EYA2: variants seen among roughly 807,000 people sequenced by gnomAD.
EYA2 encodes the protein EYA transcriptional coactivator and phosphatase 2.
Under a neutral mutation model 69.2 loss-of-function variants are expected in EYA2, and 31 were observed. The observed-to-expected ratio is 0.45, with a 90% CI of 0.34 to 0.60. The LOEUF (loss-of-function observed/expected upper bound fraction) is 0.60, where lower values mean the gene tolerates loss of function less well. EYA2 is among the 20% of genes least tolerant of loss of function. EYA2 has a pLI of 0.02. For synonymous variants in EYA2, 257 were observed against 279.4 expected, an observed-to-expected ratio of 0.92 and a Z score of 0.80; for missense variants, 622 against 701.2, an observed-to-expected ratio of 0.89 and a Z score of 1.28.
chr20:47,052,618 CTTTT>C (rs965676504), intron 5 of EYA2, among the ~76,000 whole-genome samples: 3 of 152,112 alleles, frequency 2.0e-5, no homozygotes, highest in Non-Finnish European at 2.9e-5. Context: ...CTGCTTCTTT[CTTTT>C]TATCTTTTTT....
Position 47,183,289 on chromosome 20 carries a change from A to G in EYA2, c.1436-2A>G. ...TTTTCTTTCCTTCCTGTGTGCGTGC[A>G]GGGAAGGAGAGCTGCTTCGAGAGGA... On this transcript the variant is annotated splice_acceptor_variant, in intron 14 of 15. Coordinates refer to ENST00000327619, the MANE Select transcript of EYA2 (RefSeq NM_005244.5). LOFTEE classifies it high-confidence loss of function. The G allele has an allele frequency of 6.2e-7, 1 of 1,613,756 alleles. No individual in the cohort carries two copies. The highest frequency in any genetic ancestry group is 8.5e-7 in the Non-Finnish European group (1 of 1,179,830).
intron 1 of EYA2, among the ~76,000 whole-genome samples, chr20:46,899,549 A>G (rs982648465): frequency 6.6e-6 from 1 of 152,196 alleles, no homozygotes; most frequent in Non-Finnish European, 1.5e-5. Context: ...GCCCTAAAAC[A>G]TTACGGTAGG....
intron 10 of EYA2, among the ~76,000 whole-genome samples, chr20:47,150,272 A>G (rs1236405942): frequency 2.0e-5 from 3 of 152,126 alleles, no homozygotes; most frequent in Non-Finnish European, 2.9e-5. Context: ...AGTCACCATC[A>G]TCTTTCTCTT....
intron 9 of EYA2, among the ~76,000 whole-genome samples, chr20:47,135,636 G>A (rs1388080583): frequency 6.6e-6 from 1 of 151,594 alleles, no homozygotes; most frequent in Non-Finnish European, 1.5e-5. Flanking sequence ...TAATTAGTAT[G>A]TAAATCTCAC....
intron 4 of EYA2, among the ~76,000 whole-genome samples, chr20:47,011,820 T>A (rs6094553): frequency 0.55 from 84,137 of 151,932 alleles, 23,620 homozygotes; most frequent in Non-Finnish European, 0.61. Context: ...TTTTAGCACC[T>A]TAAGACTCTA....
chr20:46,974,046 C>T (rs1311733808), intron 1 of EYA2, among the ~76,000 whole-genome samples: 1 of 152,086 alleles, frequency 6.6e-6, no homozygotes, highest in Non-Finnish European at 1.5e-5. Flanking sequence ...TGCTACTTAC[C>T]GTTGATTTTA....
chr20:46,980,581 C>A (rs2146312357), intron 1 of EYA2, among the ~76,000 whole-genome samples: 1 of 152,130 alleles, frequency 6.6e-6, no homozygotes, highest in South Asian at 2.1e-4. Context: ...GGATTTCATC[C>A]CCTTAGATAT....
At chr20:47,170,241 C>T (rs75877304) in intron 11 of EYA2, among the ~76,000 whole-genome samples, 2,806 of 151,940 alleles carry the variant, frequency 0.018, 119 homozygotes, top group East Asian at 0.18. Flanking sequence ...ACAATTGATA[C>T]AGCCAATACT....
intron 10 of EYA2, among the ~76,000 whole-genome samples, chr20:47,163,476 G>C (rs1054565749): frequency 3.9e-5 from 6 of 152,012 alleles, no homozygotes; most frequent in African/African-American, 1.4e-4. Flanking sequence ...AGGCAGGGGG[G>C]TCATCTGAGG....
chr20:47,048,084 G>T (rs1434475344), intron 5 of EYA2, among the ~76,000 whole-genome samples: 1 of 152,210 alleles, frequency 6.6e-6, no homozygotes, highest in African/African-American at 2.4e-5. Flanking sequence ...AGTCCCTTTT[G>T]CTGTATAAAC....
intron 7 of EYA2, among the ~76,000 whole-genome samples, chr20:47,088,700 A>G (rs1419874365): frequency 6.6e-6 from 1 of 151,950 alleles, no homozygotes; most frequent in Non-Finnish European, 1.5e-5. Flanking sequence ...CGACCCTCCT[A>G]CTCTGCCTCC....
At chr20:46,985,598 A>G (rs529528025) in intron 1 of EYA2, among the ~76,000 whole-genome samples, 65 of 152,310 alleles carry the variant, frequency 4.3e-4, no homozygotes, top group African/African-American at 1.6e-3. Flanking sequence ...TCTCAAATGC[A>G]AATGCCTATA....
chr20:47,061,367 A>C (rs1339790677), intron 5 of EYA2, among the ~76,000 whole-genome samples: 5 of 152,050 alleles, frequency 3.3e-5, no homozygotes, highest in South Asian at 4.2e-4. Context: ...CCTCTACAGA[A>C]AATACAAGAA....
chr20:46,980,641 A>G (rs1402022472), intron 1 of EYA2, among the ~76,000 whole-genome samples: 2 of 152,170 alleles, frequency 1.3e-5, no homozygotes, highest in Non-Finnish European at 2.9e-5. Context: ...TACTCTGGCT[A>G]TTTTGAATGT....
intron 9 of EYA2, among the ~76,000 whole-genome samples, chr20:47,141,663 G>C (rs1379230221): frequency 1.3e-5 from 2 of 152,224 alleles, no homozygotes; most frequent in Admixed American, 6.5e-5. Flanking sequence ...AACAGAATAT[G>C]TGTGGGCATT....
chr20:46,903,980 C>T (rs1984237823), intron 1 of EYA2, among the ~76,000 whole-genome samples: 1 of 152,192 alleles, frequency 6.6e-6, no homozygotes, highest in Non-Finnish European at 1.5e-5. Context: ...GGGAACAGTG[C>T]ACTGGATCAG....
At chr20:47,145,989 A>C (rs2033692730) in intron 10 of EYA2, among the ~76,000 whole-genome samples, 1 of 151,786 alleles carries the variant, frequency 6.6e-6, no homozygotes, top group Non-Finnish European at 1.5e-5. Flanking sequence ...AGAGAAGAAA[A>C]TGGACTGGAT....
At chr20:47,074,539 C>G (rs756678589) in intron 7 of EYA2, among the ~76,000 whole-genome samples, 1 of 152,238 alleles carries the variant, frequency 6.6e-6, no homozygotes, top group Non-Finnish European at 1.5e-5. Flanking sequence ...ATCCATCTCT[C>G]AGACATGTTT....
intron 10 of EYA2, among the ~76,000 whole-genome samples, chr20:47,162,352 G>A (rs2034085542): frequency 6.6e-6 from 1 of 152,002 alleles, no homozygotes; most frequent in African/African-American, 2.4e-5. Flanking sequence ...TACATATATA[G>A]AAAGTGCTGG....
Sources: gnomAD v4.1 joint callset for allele counts (sites outside exome capture counted in the v4.1 genomes callset) on GRCh38, gnomAD v4.1.1 for gene constraint, MANE v1.5 for transcripts, NCBI Gene and HGNC (gene_info 2026-07-23, HGNC 2026-07-21) for gene names.